Variants in CHST11 observed in about 807,000 individuals in gnomAD.
CHST11 encodes C4S-1.
Under a neutral mutation model 30.4 loss-of-function variants are expected in CHST11, and 9 were observed. That is an observed-to-expected ratio of 0.30 (90% CI 0.18 to 0.52). CHST11 has a LOEUF of 0.52. Among genes scored for constraint, CHST11 ranks in the 20% least tolerant of loss-of-function variants. The pLI is 0.97. For synonymous variants in CHST11, 152 were observed against 187.8 expected, an observed-to-expected ratio of 0.81 and a Z score of 1.56; for missense variants, 348 against 460.6, an observed-to-expected ratio of 0.76 and a Z score of 2.24.
At chr12:104,706,459 G>A (rs2040036345) in intron 2 of CHST11, among the ~76,000 whole-genome samples, 1 of 148,652 alleles carries the variant, frequency 6.7e-6, no homozygotes, top group Admixed American at 6.9e-5. Flanking sequence ...AGTGGATGGA[G>A]AGGGAGAGAG....
chr12:104,741,321 C>T (rs2040345079), intron 2 of CHST11, among the ~76,000 whole-genome samples: 1 of 152,310 alleles, frequency 6.6e-6, no homozygotes, highest in South Asian at 2.1e-4. Context: ...GCCCCATCTG[C>T]AGAACTAGCT....
At position 104,757,442 on chromosome 12, in the gene CHST11, A is replaced by C; in HGVS notation, c.698A>C (p.Asp233Ala). 6.2e-7 allele frequency: 1 copy of C among 1,614,000 alleles called. No individual in the cohort carries two copies. Among genetic ancestry groups the C allele is most frequent in the East Asian group, 2.2e-5 (1 of 44,862 alleles). Residue 233 changes from aspartate (D) to alanine (A), a missense_variant, in exon 3 of 3, where the codon GAC becomes GCC. By Grantham distance (126) the Asp-to-Ala change is moderately radical. Around this residue, in one of 3 missense-constraint regions of CHST11, gnomAD observed 210 missense variants for 287.2 expected, o/e 0.73. Transcript: ENST00000303694. This position sits in a 1 kb window ranked among gnomAD's most constrained non-coding sequence, Gnocchi z 6.5. ...ACCCAGGAGGCCCTGCGCAAAGGGG[A>C]CGATGTCAAATTCGAGGAGTTTGTG... The part of the protein sequence containing the change: ...NATQEALRKG[D>A]DVKFEEFVAY...
intron 2 of CHST11, among the ~76,000 whole-genome samples, chr12:104,605,264 T>C (rs1048901764): frequency 6.6e-6 from 1 of 152,044 alleles, no homozygotes; most frequent in Non-Finnish European, 1.5e-5. Context: ...ATGGGGAAAT[T>C]GGCTATAATC....
rs1420945578 is a variant in CHST11 at position 104,750,428 on chromosome 12, C to CCTTTTT, written c.205-6521_205-6520insCTTTTT. Among the ~76,000 whole-genome samples the CCTTTTT allele has an allele frequency of 1.3e-3, 63 of 48,836 alleles. 3 individuals carry two copies. Among genetic ancestry groups the CCTTTTT allele is most frequent in the African/African-American group, 5.0e-3 (62 of 12,322 alleles). 32.0% of individuals were successfully genotyped at this position (48,836 alleles called of 152,430 possible). ...GTGTACCTGGTTTTATATTTCTGCA[C>CCTTTTT]TTTTTTTTTTTTTTTTTTTTTTTTT... On this transcript the variant is annotated intron_variant, in intron 2 of 2. Transcript: ENST00000303694.
At chr12:104,538,892 C>A (rs2038262636) in intron 1 of CHST11, among the ~76,000 whole-genome samples, 1 of 152,176 alleles carries the variant, frequency 6.6e-6, no homozygotes, top group Admixed American at 6.5e-5. Flanking sequence ...TTACATAGCA[C>A]TTCTTGTATT....
chr12:104,475,405 G>C (rs1164959982), intron 1 of CHST11, among the ~76,000 whole-genome samples: 1 of 151,784 alleles, frequency 6.6e-6, no homozygotes, highest in Admixed American at 6.6e-5. Context: ...ACTTGACAGA[G>C]GAAGGAACAT....
chr12:104,549,270 G>A (rs1047319164), intron 1 of CHST11, among the ~76,000 whole-genome samples: 3 of 152,138 alleles, frequency 2.0e-5, no homozygotes, highest in African/African-American at 7.2e-5. Flanking sequence ...CCTTCATTAT[G>A]GATCGACATG....
At chr12:104,559,658 G>T (rs535819410) in intron 1 of CHST11, among the ~76,000 whole-genome samples, 4 of 152,158 alleles carry the variant, frequency 2.6e-5, no homozygotes, top group African/African-American at 7.2e-5. Context: ...TGGGAGAATC[G>T]CTTGAACCTG....
At chr12:104,530,117 C>T (rs905813466) in intron 1 of CHST11, among the ~76,000 whole-genome samples, 1 of 152,090 alleles carries the variant, frequency 6.6e-6, no homozygotes, top group Non-Finnish European at 1.5e-5. Context: ...CGAGATTGCG[C>T]CATTATAGTT....
At chr12:104,737,796 C>A (rs920716713) in intron 2 of CHST11, among the ~76,000 whole-genome samples, 13 of 152,060 alleles carry the variant, frequency 8.5e-5, no homozygotes, top group African/African-American at 3.1e-4. Flanking sequence ...GAGGGCCTGG[C>A]CTGAGAATGT....
chr12:104,696,235 GC>G lies in CHST11; in HGVS notation c.205-60713del, dbSNP rs573742219. On this transcript the variant is annotated intron_variant, in intron 2 of 2. Coordinates refer to ENST00000303694, the MANE Select transcript of CHST11 (RefSeq NM_018413.6). ...CTTGGGAAATTTTTGAAGATAAAGTGCAGCAGATGATATAATAAACACTTTT... is the reference window on the plus strand; with the variant it reads ...CTTGGGAAATTTTTGAAGATAAAGTGAGCAGATGATATAATAAACACTTTT... 2.4e-3 allele frequency among the ~76,000 whole-genome samples: 367 copies of G among 152,022 alleles called. 1 individual carries two copies. Among genetic ancestry groups the G allele is most frequent in the Admixed American group, 4.3e-3 (66 of 15,284 alleles).
At chr12:104,537,727 A>AG (rs397686294) in intron 1 of CHST11, among the ~76,000 whole-genome samples, 2 of 23,652 alleles carry the variant, frequency 8.5e-5, no homozygotes, top group African/African-American at 1.2e-4. Context: ...ACAGGGTCTC[A>AG]CTCTGTTCCC....
intron 2 of CHST11, among the ~76,000 whole-genome samples, chr12:104,745,973 A>G (rs1323324269): frequency 6.6e-6 from 1 of 152,094 alleles, no homozygotes; most frequent in African/African-American, 2.4e-5. Flanking sequence ...TTCCAATACT[A>G]TGTTTAATAG....
intron 2 of CHST11, among the ~76,000 whole-genome samples, chr12:104,640,718 T>A (rs1375892026): frequency 6.6e-6 from 1 of 152,170 alleles, no homozygotes; most frequent in African/African-American, 2.4e-5. Context: ...ATGTAAACTA[T>A]GGACTTCAAT....
At chr12:104,651,223 A>G (rs2136082024) in intron 2 of CHST11, among the ~76,000 whole-genome samples, 1 of 152,348 alleles carries the variant, frequency 6.6e-6, no homozygotes, top group South Asian at 2.1e-4. Context: ...TAAAAAATTA[A>G]TACCAGATGT....
chr12:104,712,737 G>A (rs993049989), intron 2 of CHST11, among the ~76,000 whole-genome samples: 3 of 152,016 alleles, frequency 2.0e-5, no homozygotes, highest in South Asian at 2.1e-4. Flanking sequence ...TAAAACCAAC[G>A]TCATCATTCT....
chr12:104,703,515 T>G lies in CHST11; in HGVS notation c.205-53434T>G, dbSNP rs936776823. Among the ~76,000 whole-genome samples the G allele has an allele frequency of 2.2e-4, 33 of 152,272 alleles. 2 individuals carry two copies. The highest frequency in any genetic ancestry group is 9.8e-4 in the Admixed American group (15 of 15,292). ...CTTCCCCCCACCCCGGCTGCCGTCT[T>G]TCTTCTCCAGTCTCACCTGGATGAA... On this transcript the variant is annotated intron_variant, in intron 2 of 2. Coordinates refer to ENST00000303694, the MANE Select transcript of CHST11 (RefSeq NM_018413.6).
chr12:104,480,446 C>T (rs1188209070), intron 1 of CHST11, among the ~76,000 whole-genome samples: 2 of 151,810 alleles, frequency 1.3e-5, no homozygotes, highest in Admixed American at 6.6e-5. Flanking sequence ...GGCATGGTGG[C>T]GGGTGCCTGT....
chr12:104,515,640 T>C (rs187366292), intron 1 of CHST11, among the ~76,000 whole-genome samples: 2 of 152,144 alleles, frequency 1.3e-5, no homozygotes, highest in Admixed American at 1.3e-4. Context: ...GAGCTTACAG[T>C]CTAGGGGGAG....
Sources: gnomAD v4.1 joint callset for allele counts (sites outside exome capture counted in the v4.1 genomes callset) on GRCh38, gnomAD v4.1.1 for gene constraint, gnomAD v4.1.1 regional missense constraint, Gnocchi (gnomAD v3.1) non-coding constraint, MANE v1.5 for transcripts, NCBI Gene and HGNC (gene_info 2026-07-23, HGNC 2026-07-21) for gene names.